Variants in AGPS observed in about 807,000 individuals in gnomAD.
AGPS encodes the protein alkylglycerone phosphate synthase.
Under a neutral mutation model 90.7 loss-of-function variants are expected in AGPS, and 26 were observed. The ratio of observed to expected loss-of-function variants is 0.29; its 90% CI spans 0.21 to 0.40. The LOEUF is 0.40. Among genes scored for constraint, AGPS ranks in the 10% least tolerant of loss-of-function variants. The pLI, the probability that AGPS is intolerant of heterozygous loss-of-function variation, is 1.00. For missense variants in AGPS, 540 were observed against 816.1 expected (o/e 0.66, Z 4.12); for synonymous variants, 294 against 285.3 (o/e 1.03, Z -0.31).
intron 5 of AGPS, among the ~76,000 whole-genome samples, chr2:177,437,256 T>C (rs184809895): frequency 2.6e-5 from 4 of 152,290 alleles, no homozygotes; most frequent in Admixed American, 2.6e-4. Context: ...ATTTTGTTGC[T>C]GATAATTAAA....
intron 10 of AGPS, among the ~76,000 whole-genome samples, chr2:177,470,308 T>C (rs548887628): frequency 6.6e-6 from 1 of 152,302 alleles, no homozygotes; most frequent in African/African-American, 2.4e-5. Flanking sequence ...TTTAAAATGA[T>C]TTGAACTTTT....
chr2:177,490,871 T>TTTTA lies in AGPS; in HGVS notation c.1234-2277_1234-2276insTTTA, dbSNP rs1553516095. Among the ~76,000 whole-genome samples, 122 of 135,106 alleles carry TTTTA rather than the reference T, an allele frequency of 9.0e-4. 1 individual carries two copies. The highest frequency in any genetic ancestry group is 3.1e-3 in the African/African-American group (116 of 37,338). 88.6% of individuals were successfully genotyped at this position (135,106 alleles called of 152,430 possible). A position where few individuals can be genotyped will look rare whatever the true frequency, so the allele number is the denominator to read the frequency against. On this transcript the variant is annotated intron_variant, in intron 11 of 19. Transcript: ENST00000264167. ...CTTTTTTTTTTTTTTTTTTTTTTTTTAAAGACAGAGTTTTGCTTTTGTTGC... is the reference window on the plus strand; with the variant it reads ...CTTTTTTTTTTTTTTTTTTTTTTTTTTTTAAAAGACAGAGTTTTGCTTTTGTTGC...
At position 177,433,845 on chromosome 2, in the gene AGPS, G is replaced by C. The variant is rs527380338; in HGVS notation, c.351-482G>C. Reference sequence around the variant, plus strand: ...ATTCTATACATGCTATTCAGAGTCAGCCAGACATTTGGAGAGAGCTGATAG... The same window carrying C: ...ATTCTATACATGCTATTCAGAGTCACCCAGACATTTGGAGAGAGCTGATAG... On this transcript the variant is annotated intron_variant, in intron 2 of 19. Transcript: ENST00000264167. Among the ~76,000 whole-genome samples the C allele has an allele frequency of 2.8e-4, 42 of 152,052 alleles. 3 individuals carry two copies. In the South Asian group the frequency reaches 8.3e-3, roughly 30 times the overall value.
intron 1 of AGPS, among the ~76,000 whole-genome samples, chr2:177,394,878 A>G (rs1402426970): frequency 6.6e-6 from 1 of 152,224 alleles, no homozygotes; most frequent in Non-Finnish European, 1.5e-5. Context: ...GTCTAAAGGC[A>G]GAGAGACTAG....
chr2:177,393,016 C>T lies in AGPS; in HGVS notation c.227C>T (p.Ala76Val). 6.5e-7 allele frequency: 1 copy of T among 1,550,334 alleles called. No individual in the cohort carries two copies. Among genetic ancestry groups the T allele is most frequent in the Non-Finnish European group, 8.7e-7 (1 of 1,146,794 alleles). Residue 76 changes from alanine to valine, a missense_variant, in exon 1 of 20, where the codon GCC (alanine) becomes GTC (valine). Ala to Val is a moderately conservative substitution (Grantham distance 64). Coordinates refer to ENST00000264167, the MANE Select transcript of AGPS (RefSeq NM_003659.4). ...ACGGCAGCGCCCACGGCCACTCCCG[C>T]CGCGCAGGAGTCGGGCACCATCCCA... Reference protein sequence around the residue: ...AATAAPTATPAAQESGTIPKK... With the variant: ...AATAAPTATPVAQESGTIPKK...
At chr2:177,517,820 C>T (rs1036877638) in intron 17 of AGPS, among the ~76,000 whole-genome samples, 4 of 152,104 alleles carry the variant, frequency 2.6e-5, no homozygotes, top group African/African-American at 9.7e-5. Context: ...ACTCACAAAC[C>T]TTTCTTTATC....
chr2:177,443,623 G>A (rs951333333), intron 7 of AGPS, among the ~76,000 whole-genome samples: 1 of 152,182 alleles, frequency 6.6e-6, no homozygotes, highest in African/African-American at 2.4e-5. Context: ...CAATAGAGGT[G>A]TGTAGTAGCT....
intron 7 of AGPS, among the ~76,000 whole-genome samples, chr2:177,444,467 T>C (rs1181909783): frequency 6.7e-6 from 1 of 150,204 alleles, no homozygotes; most frequent in Non-Finnish European, 1.5e-5. Flanking sequence ...TACTGTCTTA[T>C]AGTGAGAGTA....
At chr2:177,525,940 A>G (rs2105736901) in intron 19 of AGPS, among the ~76,000 whole-genome samples, 1 of 152,348 alleles carries the variant, frequency 6.6e-6, no homozygotes, top group East Asian at 1.9e-4. Flanking sequence ...GCTTCTTGGT[A>G]GGCTCTAACA....
chr2:177,480,214 A>G (rs1225534131), intron 10 of AGPS, among the ~76,000 whole-genome samples: 1 of 152,164 alleles, frequency 6.6e-6, no homozygotes, highest in African/African-American at 2.4e-5. Flanking sequence ...TGACCCAGCA[A>G]TCCCATTACT....
intron 8 of AGPS, among the ~76,000 whole-genome samples, chr2:177,451,269 A>G (rs1158114769): frequency 6.6e-6 from 1 of 152,062 alleles, no homozygotes; most frequent in Admixed American, 6.6e-5. Context: ...TATATTTTTA[A>G]AAACAGGATT....
chr2:177,487,466 G>C (rs1688129132), intron 11 of AGPS, among the ~76,000 whole-genome samples: 1 of 151,818 alleles, frequency 6.6e-6, no homozygotes, highest in Non-Finnish European at 1.5e-5. Context: ...GAAGGTTTGG[G>C]GTTTTTTGTT....
rs190222574 is a variant in AGPS, at chr2:177,463,971, C to T, written c.996+1953C>T. On this transcript the variant is annotated intron_variant, in intron 9 of 19. Coordinates refer to ENST00000264167, the MANE Select transcript of AGPS (RefSeq NM_003659.4). ...TTTGTTTGTTTTTGAGACAGAATTT[C>T]GCTCTTGTTGCCCAGGCTGGAGTGC... 9.3e-4 allele frequency among the ~76,000 whole-genome samples: 141 copies of T among 152,088 alleles called. 1 individual carries two copies. The highest frequency in any genetic ancestry group is 3.3e-3 in the African/African-American group (138 of 41,478).
In AGPS at chr2:177,538,937, C is replaced by T. The variant is rs1436091680; in HGVS notation, c.*742C>T. On this transcript the variant is annotated 3_prime_UTR_variant, in exon 20 of 20. Transcript: ENST00000264167. ...ATGTTTTGTAAGAAAAGCTGACATCCTTCATTGCAAGTGAAGAACAGGTTT... is the reference window on the plus strand; with the variant it reads ...ATGTTTTGTAAGAAAAGCTGACATCTTTCATTGCAAGTGAAGAACAGGTTT... 1 of 151,978 alleles carries T rather than the reference C, an allele frequency of 6.6e-6. No individual in the cohort carries two copies. Among genetic ancestry groups the T allele is most frequent in the African/African-American group, 2.4e-5 (1 of 41,418 alleles). 9.4% of individuals were successfully genotyped at this position (151,978 alleles called of 1,614,324 possible).
At chr2:177,534,587 G>A (rs1248943016) in intron 19 of AGPS, among the ~76,000 whole-genome samples, 5 of 118,020 alleles carry the variant, frequency 4.2e-5, no homozygotes, top group Non-Finnish European at 6.5e-5. Flanking sequence ...TTTCTTTTTT[G>A]TTTCTTTTTT....
chr2:177,459,140 C>T (rs1164254798), intron 8 of AGPS, among the ~76,000 whole-genome samples: 3 of 152,084 alleles, frequency 2.0e-5, no homozygotes, highest in African/African-American at 7.2e-5. Context: ...GAAACTGGAC[C>T]CCTTCCTTAC....
intron 16 of AGPS, among the ~76,000 whole-genome samples, chr2:177,508,608 G>A (rs1260357729): frequency 1.3e-5 from 2 of 152,024 alleles, no homozygotes; most frequent in East Asian, 3.9e-4. Context: ...TTCTTTACTG[G>A]AAATACATAC....
In AGPS at chr2:177,475,129, A is replaced by G. The variant is rs543318052; in HGVS notation, c.1105+6605A>G. 2.6e-3 allele frequency among the ~76,000 whole-genome samples: 391 copies of G among 152,354 alleles called. 4 individuals carry two copies. Among genetic ancestry groups the G allele is most frequent in the African/African-American group, 9.0e-3 (374 of 41,584 alleles). ...CATGCCTTAGGAATTTCTGCCTGAC[A>G]AATTTCCAATTTATTTGTAACAACA... On this transcript the variant is annotated intron_variant, in intron 10 of 19. Transcript: ENST00000264167.
intron 1 of AGPS, among the ~76,000 whole-genome samples, chr2:177,410,679 C>T (rs1451842848): frequency 1.3e-5 from 2 of 152,092 alleles, no homozygotes; most frequent in African/African-American, 4.8e-5. Context: ...GGACAGTTGT[C>T]CGGGACAGGG....
Sources: gnomAD v4.1 joint callset for allele counts (sites outside exome capture counted in the v4.1 genomes callset) on GRCh38, gnomAD v4.1.1 for gene constraint, MANE v1.5 for transcripts, NCBI Gene and HGNC (gene_info 2026-07-23, HGNC 2026-07-21) for gene names.